Variants in PCDHA4 observed in about 807,000 individuals in gnomAD.
PCDHA4 encodes the protein protocadherin alpha-4.
PCDHA4 carries 49 observed loss-of-function variants against 61.4 expected under a neutral mutation model. That is an observed-to-expected ratio of 0.80 (90% CI 0.63 to 1.01). The LOEUF (loss-of-function observed/expected upper bound fraction) is 1.01. Ranked by LOEUF, PCDHA4 falls within the 50% of genes least tolerant of loss-of-function variation. PCDHA4 has a pLI of 0.00. For synonymous variants in PCDHA4, 590 were observed against 550.3 expected, an observed-to-expected ratio of 1.07 and a Z score of -1.01; for missense variants, 1,254 against 1,235.8, an observed-to-expected ratio of 1.01 and a Z score of -0.22.
rs2150424072 is a variant in PCDHA4, at chr5:140,848,906, A to C, written c.2385+39334A>C. 6 of 1,608,120 alleles carry C rather than the reference A, an allele frequency of 3.7e-6. No individual in the cohort carries two copies. In the East Asian group the frequency reaches 1.3e-4, roughly 36 times the overall value. On this transcript the variant is annotated intron_variant, in intron 1 of 3. Transcript: ENST00000530339. ...ACCCTCCAGTGTTCCCAGCGACACA[A>C]AAGAATCTGTTCATCGCGGAATCCA... is the stretch of plus-strand genomic sequence containing the variant.
At chr5:140,944,870 A>T (rs2093703572) in intron 1 of PCDHA4, among the ~76,000 whole-genome samples, 1 of 152,058 alleles carries the variant, frequency 6.6e-6, no homozygotes, top group Non-Finnish European at 1.5e-5. Flanking sequence ...TATCTTAACC[A>T]CCTACTCCAC....
chr5:140,976,353 C>T (rs1401617354), intron 1 of PCDHA4, among the ~76,000 whole-genome samples: 2 of 151,992 alleles, frequency 1.3e-5, no homozygotes, highest in African/African-American at 2.4e-5. Context: ...GTGTTCAAGA[C>T]CAGCCTGGCC....
chr5:140,814,193 T>A (rs1765456616), intron 1 of PCDHA4: 1 of 152,734 alleles, frequency 6.5e-6, no homozygotes, highest in Non-Finnish European at 1.5e-5. Context: ...TTAATTTTTT[T>A]ATTTTTTTCA....
chr5:140,888,288 C>G (rs1328691042), intron 1 of PCDHA4, among the ~76,000 whole-genome samples: 1 of 152,108 alleles, frequency 6.6e-6, no homozygotes, highest in African/African-American at 2.4e-5. Context: ...CCCTCTACCC[C>G]CTACCCAGGA....
intron 1 of PCDHA4, among the ~76,000 whole-genome samples, chr5:140,962,961 T>C (rs1483172996): frequency 1.3e-5 from 2 of 152,148 alleles, no homozygotes; most frequent in African/African-American, 4.8e-5. Flanking sequence ...TCTATCCCTA[T>C]ATAGGAAATT....
intron 1 of PCDHA4, chr5:140,862,507 G>C (rs2047400822): frequency 5.0e-6 from 2 of 401,986 alleles, no homozygotes; most frequent in Non-Finnish European, 5.0e-6. Flanking sequence ...ATGGGGACTC[G>C]CTTTCATTGT....
chr5:140,823,818 G>A (rs1767884278), intron 1 of PCDHA4: 2 of 1,613,678 alleles, frequency 1.2e-6, no homozygotes, highest in Non-Finnish European at 1.7e-6. Context: ...CATCGCGGGC[G>A]TCGGCGGGCG....
intron 1 of PCDHA4, chr5:140,862,531 C>T (rs782753899): frequency 4.6e-6 from 2 of 431,454 alleles, no homozygotes; most frequent in Non-Finnish European, 9.4e-6. Flanking sequence ...CCACAGCCAT[C>T]GGGTCCGTGG....
chr5:140,980,522 A>G (rs1341350940), intron 2 of PCDHA4, among the ~76,000 whole-genome samples: 2 of 152,074 alleles, frequency 1.3e-5, no homozygotes, highest in Non-Finnish European at 2.9e-5. Flanking sequence ...TCCAGCTACT[A>G]GGGAGGCTGA....
intron 1 of PCDHA4, among the ~76,000 whole-genome samples, chr5:140,889,562 T>C (rs2062274153): frequency 6.6e-6 from 1 of 152,224 alleles, no homozygotes; most frequent in Non-Finnish European, 1.5e-5. Flanking sequence ...TTCAGAATTC[T>C]GCTTTCTGAT....
intron 1 of PCDHA4, chr5:140,823,766 T>TGCTGGTGTC (rs1767866619): frequency 6.2e-7 from 1 of 1,613,734 alleles, no homozygotes; most frequent in African/African-American, 1.3e-5. Flanking sequence ...ACAGCCACAG[T>TGCTGGTGTC]GCTGGTGTCG....
At chr5:140,908,804 T>C (rs1157142483) in intron 1 of PCDHA4, among the ~76,000 whole-genome samples, 2 of 152,162 alleles carry the variant, frequency 1.3e-5, no homozygotes, top group African/African-American at 4.8e-5. Context: ...CATTAAAAAG[T>C]GAGAGCCTTT....
At chr5:140,987,269 G>A (rs1442679377) in intron 3 of PCDHA4, among the ~76,000 whole-genome samples, 8 of 151,806 alleles carry the variant, frequency 5.3e-5, no homozygotes, top group African/African-American at 9.7e-5. Flanking sequence ...AATGGGACCC[G>A]GCAGTCTATG....
At chr5:140,872,364 G>A (rs538641401) in intron 1 of PCDHA4, among the ~76,000 whole-genome samples, 1 of 152,132 alleles carries the variant, frequency 6.6e-6, no homozygotes, top group South Asian at 2.1e-4. Context: ...AAGTGGTTCA[G>A]GCCTGTAATC....
At chr5:140,830,468 G>A in intron 1 of PCDHA4, 1 of 1,571,084 alleles carries the variant, frequency 6.4e-7, no homozygotes, top group South Asian at 1.2e-5. Flanking sequence ...GGATTTAAAT[G>A]AAGATCATGA....
In PCDHA4 at chr5:140,926,182, C is replaced by G. The variant is rs1041630365; in HGVS notation, c.2386-52767C>G. Among the ~76,000 whole-genome samples, 27 of 151,858 alleles carry G rather than the reference C, an allele frequency of 1.8e-4. No individual in the cohort carries two copies. The East Asian group carries it at 2.5e-3, about 14-fold the overall frequency. On this transcript the variant is annotated intron_variant, in intron 1 of 3. Coordinates refer to ENST00000530339, the MANE Select transcript of PCDHA4 (RefSeq NM_018907.4). ...CAGCAGGATCCAGCGCGGAAAGCCC[C>G]CCGCAGCACTTCTTTCGGGGGGCTC...
chr5:140,893,528 G>C (rs541953324), intron 1 of PCDHA4, among the ~76,000 whole-genome samples: 2 of 152,254 alleles, frequency 1.3e-5, no homozygotes, highest in Admixed American at 6.5e-5. Context: ...ACTCCTTTAA[G>C]TATTTCTTGT....
rs781974273 is a variant in PCDHA4, at chr5:140,871,561, T to TC, written c.2385+61990dup. 4.7e-6 allele frequency: 7 copies of TC among 1,485,828 alleles called. No homozygotes were observed. In the African/African-American group the frequency reaches 9.9e-5, roughly 21 times the overall value. 92.0% of individuals were successfully genotyped at this position (1,485,828 alleles called of 1,614,324 possible). ...AAATTATTTAAAATCCAGTTTTTTT[T>TC]CACGGATTTTTTAAGGGAAAGTTTT... is the stretch of plus-strand genomic sequence containing the variant. On this transcript the variant is annotated intron_variant, in intron 1 of 3. Coordinates refer to ENST00000530339, the MANE Select transcript of PCDHA4 (RefSeq NM_018907.4).
At chr5:140,853,065 G>A in intron 1 of PCDHA4, 1 of 280,750 alleles carries the variant, frequency 3.6e-6, no homozygotes, top group Non-Finnish European at 5.5e-6. Context: ...ATTTTTAGTA[G>A]AGATGGGGTT....
Sources: allele counts gnomAD v4.1 joint callset (sites outside exome capture counted in the v4.1 genomes callset), GRCh38; gene constraint gnomAD v4.1.1; transcripts MANE v1.5; gene names NCBI Gene and HGNC (gene_info 2026-07-23, HGNC 2026-07-21).